RORA: variants seen among roughly 807,000 people sequenced by gnomAD.
The protein encoded by RORA is RAR related orphan receptor A, also known as nuclear receptor ROR-alpha.
Under a neutral mutation model 69.5 loss-of-function variants are expected in RORA, and 7 were observed. The ratio of observed to expected loss-of-function variants is 0.10; its 90% CI spans 0.06 to 0.19. The LOEUF is 0.19. Ranked by LOEUF, RORA falls within the 10% of genes least tolerant of loss-of-function variation. The probability of loss-of-function intolerance (pLI) is 1.00; values close to 1 mark genes in which losing one functional copy is unlikely to be tolerated. For synonymous variants in RORA, 261 were observed against 240.8 expected, an observed-to-expected ratio of 1.08 and a Z score of -0.78; for missense variants, 457 against 663.0, an observed-to-expected ratio of 0.69 and a Z score of 3.41.
chr15:60,571,039 T>C (rs1038788886), intron 2 of RORA, among the ~76,000 whole-genome samples: 2 of 152,214 alleles, frequency 1.3e-5, no homozygotes, highest in African/African-American at 2.4e-5. Context: ...TCTTTTTTTT[T>C]CTCTCCTCAT....
chr15:60,588,060 T>C (rs1389904662), intron 2 of RORA, among the ~76,000 whole-genome samples: 1 of 152,174 alleles, frequency 6.6e-6, no homozygotes, highest in African/African-American at 2.4e-5. Flanking sequence ...GTAGAATAGC[T>C]AGATGGGGGA....
chr15:60,824,214 G>T (rs1463581207), intron 1 of RORA, among the ~76,000 whole-genome samples: 1 of 152,146 alleles, frequency 6.6e-6, no homozygotes, highest in Non-Finnish European at 1.5e-5. Context: ...TGAGGAAGAG[G>T]TTTGGGACTT....
In RORA at chr15:60,489,989, AT is replaced by A. The variant is rs1312668409; in HGVS notation, c.*7465del. On this transcript the variant is annotated 3_prime_UTR_variant, in exon 11 of 11. Transcript: ENST00000335670. The stretch of plus-strand genomic sequence containing the variant: ...TGCTAATAAGTTTCCATATAGCCAT[AT>A]TTATAAACAAATTCACCCTATAGAT... 1 of 152,108 alleles carries A rather than the reference AT, an allele frequency of 6.6e-6. No homozygotes were observed. The highest frequency in any genetic ancestry group is 1.5e-5 in the Non-Finnish European group (1 of 67,994). The allele number at this position is 152,108 out of a possible 1,614,324, so 9.4% of individuals were successfully genotyped here. A position where few individuals can be genotyped will look rare whatever the true frequency, so the allele number is the denominator to read the frequency against.
intron 1 of RORA, among the ~76,000 whole-genome samples, chr15:61,047,698 T>C (rs1000119637): frequency 1.3e-5 from 2 of 152,242 alleles, no homozygotes; most frequent in East Asian, 1.9e-4. Context: ...TTAACATTTT[T>C]CCCCTTTTTT....
At position 60,964,934 on chromosome 15, in the gene RORA, T is replaced by G. The variant is rs149567564; in HGVS notation, c.166+264119A>C. ...AAGGAGAGCTCTTGTTTGAGACTCT[T>G]GGGAACCATAAGTTGCACTGAATTA... On this transcript the variant is annotated intron_variant, in intron 1 of 10. Transcript: ENST00000335670. 1.8e-3 allele frequency among the ~76,000 whole-genome samples: 281 copies of G among 152,262 alleles called. 2 individuals are homozygous for G. Among genetic ancestry groups the G allele is most frequent in the African/African-American group, 5.7e-3 (238 of 41,548 alleles).
At chr15:61,155,445 A>G (rs1352639541) in intron 1 of RORA, among the ~76,000 whole-genome samples, 1 of 152,206 alleles carries the variant, frequency 6.6e-6, no homozygotes, top group African/African-American at 2.4e-5. Context: ...AAAGCACCAA[A>G]GGGGTTTATA....
At chr15:60,638,235 AGG>A (rs1255613632) in intron 2 of RORA, among the ~76,000 whole-genome samples, 1 of 152,148 alleles carries the variant, frequency 6.6e-6, no homozygotes, top group Non-Finnish European at 1.5e-5. Context: ...AAATGAGAGA[AGG>A]CCTGAATTAC....
At chr15:60,779,467 C>T (rs1254715810) in intron 1 of RORA, among the ~76,000 whole-genome samples, 1 of 152,142 alleles carries the variant, frequency 6.6e-6, no homozygotes, top group Non-Finnish European at 1.5e-5. Context: ...GCCCTGCCAT[C>T]GAAGTCATTT....
intron 1 of RORA, among the ~76,000 whole-genome samples, chr15:60,889,354 G>A (rs906688075): frequency 8.2e-5 from 2 of 24,364 alleles, no homozygotes; most frequent in East Asian, 1.7e-3. Context: ...GTGGGGCGGG[G>A]GGGGGGGGAA....
In RORA at chr15:61,160,487, T is replaced by G. The variant is rs1283607312; in HGVS notation, c.166+68566A>C. Among the ~76,000 whole-genome samples, 3 of 152,196 alleles carry G rather than the reference T, an allele frequency of 2.0e-5. No individual in the cohort carries two copies. The East Asian group carries it at 5.8e-4, about 29-fold the overall frequency. On this transcript the variant is annotated intron_variant, in intron 1 of 10. Coordinates refer to ENST00000335670, the MANE Select transcript of RORA (RefSeq NM_134261.3). Reference sequence around the variant, plus strand: ...GTAAATATGTTTATTCTTATTAGAATTTCAAACAAATATAAAAATCTCTCG... The same window carrying G: ...GTAAATATGTTTATTCTTATTAGAAGTTCAAACAAATATAAAAATCTCTCG...
chr15:60,509,824 C>G (rs1018070837), intron 5 of RORA, among the ~76,000 whole-genome samples: 1 of 151,340 alleles, frequency 6.6e-6, no homozygotes, highest in Non-Finnish European at 1.5e-5. Flanking sequence ...CCTACCTCTG[C>G]TCAGCTTGGC....
intron 4 of RORA, chr15:60,512,230 G>A (rs1391007845): frequency 6.6e-6 from 1 of 152,284 alleles, no homozygotes; most frequent in Non-Finnish European, 1.5e-5. Flanking sequence ...CCAGTCATGG[G>A]TCATGGGTCA....
At chr15:61,034,330 T>G (rs1896339876) in intron 1 of RORA, among the ~76,000 whole-genome samples, 1 of 152,186 alleles carries the variant, frequency 6.6e-6, no homozygotes, top group African/African-American at 2.4e-5. Context: ...TTGATTTATT[T>G]GGTGGCACAA....
chr15:60,642,163 G>A lies in RORA; in HGVS notation c.196+36494C>T, dbSNP rs998740936. On this transcript the variant is annotated intron_variant, in intron 2 of 10. Coordinates refer to ENST00000335670, the MANE Select transcript of RORA (RefSeq NM_134261.3). ...GCTCTGTGCACGTGAGACCACTGCT[G>A]GGGCCGTGCTTTAAGAGGGACACGG... is the stretch of plus-strand genomic sequence containing the variant. 2.0e-5 allele frequency among the ~76,000 whole-genome samples: 3 copies of A among 152,146 alleles called. No homozygotes were observed. The East Asian group carries it at 5.8e-4, about 29-fold the overall frequency.
intron 1 of RORA, among the ~76,000 whole-genome samples, chr15:60,982,267 G>T (rs1382070960): frequency 1.3e-5 from 2 of 152,208 alleles, no homozygotes; most frequent in Non-Finnish European, 2.9e-5. Flanking sequence ...TTAAGAGACT[G>T]GGGCCTGCCT....
chr15:60,591,939 G>C (rs1427640868), intron 2 of RORA, among the ~76,000 whole-genome samples: 1 of 152,006 alleles, frequency 6.6e-6, no homozygotes, highest in East Asian at 1.9e-4. Context: ...GCGCACGCAC[G>C]GCCCTGCCCG....
intron 2 of RORA, among the ~76,000 whole-genome samples, chr15:60,614,030 AGGAAAACT>A (rs1425631620): frequency 6.6e-6 from 1 of 152,136 alleles, no homozygotes; most frequent in African/African-American, 2.4e-5. Context: ...AAAATGAAAA[AGGAAAACT>A]GGAAATTTTT....
chr15:61,166,042 C>T (rs1310708782), intron 1 of RORA, among the ~76,000 whole-genome samples: 1 of 152,166 alleles, frequency 6.6e-6, no homozygotes, highest in East Asian at 1.9e-4. Context: ...GCAGGGCTGC[C>T]ATCAGGTGCA....
intron 2 of RORA, among the ~76,000 whole-genome samples, chr15:60,628,963 T>C (rs2069661921): frequency 6.6e-6 from 1 of 152,074 alleles, no homozygotes; most frequent in Admixed American, 6.5e-5. Context: ...CAAGGAGCTT[T>C]TCCCTGAGCT....
Sources: allele counts gnomAD v4.1 joint callset (sites outside exome capture counted in the v4.1 genomes callset), GRCh38; gene constraint gnomAD v4.1.1; transcripts MANE v1.5; gene names NCBI Gene and HGNC (gene_info 2026-07-23, HGNC 2026-07-21).